NAALADL2: variants seen among roughly 807,000 people sequenced by gnomAD.
NAALADL2 encodes the protein N-acetylated alpha-linked acidic dipeptidase like 2, also known as inactive N-acetylated-alpha-linked acidic dipeptidase-like protein 2.
NAALADL2 carries 76 observed loss-of-function variants against 87.2 expected under a neutral mutation model. The ratio of observed to expected loss-of-function variants is 0.87; its 90% CI spans 0.72 to 1.05. The LOEUF (loss-of-function observed/expected upper bound fraction) is 1.05, where lower values mean the gene tolerates loss of function less well. NAALADL2 is among the 50% of genes least tolerant of loss of function. The pLI is 0.00. For missense variants in NAALADL2, 1,089 were observed against 945.8 expected, an observed-to-expected ratio of 1.15 and a Z score of -1.99; for synonymous variants, 354 against 331.0, an observed-to-expected ratio of 1.07 and a Z score of -0.75.
chr3:175,698,411 G>A (rs1330570666), intron 11 of NAALADL2, among the ~76,000 whole-genome samples: 1 of 53,960 alleles, frequency 1.9e-5, no homozygotes, highest in Non-Finnish European at 3.2e-5. Context: ...GTGTATTTAT[G>A]TATGTATACA....
At chr3:175,703,394 C>T (rs1301459465) in intron 11 of NAALADL2, among the ~76,000 whole-genome samples, 1 of 152,136 alleles carries the variant, frequency 6.6e-6, no homozygotes, top group Non-Finnish European at 1.5e-5. Flanking sequence ...TGGACAGTCC[C>T]CAATACATGT....
intron 2 of NAALADL2, among the ~76,000 whole-genome samples, chr3:175,229,850 A>T (rs1180495022): frequency 6.6e-6 from 1 of 152,028 alleles, no homozygotes; most frequent in Non-Finnish European, 1.5e-5. Context: ...AGCTCATTCC[A>T]ATATTCATAT....
At chr3:174,851,541 T>C (rs1446863679) in intron 3 of NAALADL2, among the ~76,000 whole-genome samples, 1 of 151,918 alleles carries the variant, frequency 6.6e-6, no homozygotes, top group Non-Finnish European at 1.5e-5. Flanking sequence ...TTCCTAGACA[T>C]GTCCAACCTA....
intron 2 of NAALADL2, among the ~76,000 whole-genome samples, chr3:174,585,662 G>A (rs368951369): frequency 7.0e-6 from 1 of 142,144 alleles, no homozygotes; most frequent in South Asian, 2.3e-4. Context: ...AGTTTTTTTT[G>A]TTTTTTTTTT....
At chr3:175,310,687 GA>G (rs1180445725) in intron 4 of NAALADL2, among the ~76,000 whole-genome samples, 9 of 150,520 alleles carry the variant, frequency 6.0e-5, no homozygotes, top group East Asian at 1.9e-4. Flanking sequence ...CTTACTCAAT[GA>G]AAAAAAAATC....
Position 175,393,949 on chromosome 3 carries a change from T to G in NAALADL2, c.1091-53280T>G, listed in dbSNP as rs570991793. Among the ~76,000 whole-genome samples, 268 of 152,310 alleles carry G rather than the reference T, an allele frequency of 1.8e-3. 1 individual carries two copies. The highest frequency in any genetic ancestry group is 6.2e-3 in the African/African-American group (257 of 41,568). On this transcript the variant is annotated intron_variant, in intron 5 of 13. Coordinates refer to ENST00000454872, the MANE Select transcript of NAALADL2 (RefSeq NM_207015.3). ...ATCTTTCATGATCTTGACACCTTTT[T>G]AAGTACACAAGCTATTTTTTTCTGT...
chr3:174,657,978 C>A (rs977149579), intron 2 of NAALADL2, among the ~76,000 whole-genome samples: 2 of 152,162 alleles, frequency 1.3e-5, no homozygotes, highest in African/African-American at 4.8e-5. Flanking sequence ...CCATCTAATT[C>A]ATGAATAATA....
At chr3:174,641,132 G>A (rs151302399) in intron 2 of NAALADL2, among the ~76,000 whole-genome samples, 2 of 152,246 alleles carry the variant, frequency 1.3e-5, no homozygotes, top group South Asian at 2.1e-4. Context: ...TTAAGAGGCC[G>A]GAAGCTGCAG....
intron 3 of NAALADL2, among the ~76,000 whole-genome samples, chr3:174,765,145 A>ACAC (rs374203584): frequency 6.8e-4 from 97 of 142,346 alleles, no homozygotes; most frequent in Non-Finnish European, 1.0e-3. Flanking sequence ...CACACACACG[A>ACAC]GAGAGAGAGA....
At chr3:174,948,162 CTTAT>C (rs140866333) in intron 1 of NAALADL2, among the ~76,000 whole-genome samples, 35,880 of 150,072 alleles carry the variant, frequency 0.24, 4,794 homozygotes, top group East Asian at 0.47. Context: ...CCATATAGAA[CTTAT>C]TTATTTATTT....
chr3:175,688,484 G>T (rs1375085229), intron 11 of NAALADL2, among the ~76,000 whole-genome samples: 1 of 152,142 alleles, frequency 6.6e-6, no homozygotes. Flanking sequence ...GATTTAGCCT[G>T]TAATCATTTA....
At chr3:174,897,692 G>A (rs1731720834) in intron 1 of NAALADL2, among the ~76,000 whole-genome samples, 1 of 152,092 alleles carries the variant, frequency 6.6e-6, no homozygotes, top group Admixed American at 6.5e-5. Flanking sequence ...AAGGAAATCA[G>A]TGTATGAAAG....
intron 12 of NAALADL2, among the ~76,000 whole-genome samples, chr3:175,749,197 GA>G (rs1559969577): frequency 9.1e-6 from 1 of 109,590 alleles, no homozygotes; most frequent in African/African-American, 3.5e-5. Flanking sequence ...GAGGGGAAGG[GA>G]GGGGAGGGGA....
At chr3:174,931,487 T>G (rs1736882370) in intron 1 of NAALADL2, among the ~76,000 whole-genome samples, 1 of 152,208 alleles carries the variant, frequency 6.6e-6, no homozygotes, top group Admixed American at 6.5e-5. Flanking sequence ...CAAATAGTTA[T>G]TAGTACTATG....
intron 1 of NAALADL2, among the ~76,000 whole-genome samples, chr3:175,064,760 G>A (rs761395249): frequency 1.3e-5 from 2 of 152,140 alleles, no homozygotes; most frequent in African/African-American, 4.8e-5. Context: ...AAAGCAGCCT[G>A]AAGAAGGGTG....
At chr3:174,902,474 T>A (rs895807274) in intron 1 of NAALADL2, among the ~76,000 whole-genome samples, 1 of 152,068 alleles carries the variant, frequency 6.6e-6, no homozygotes, top group Non-Finnish European at 1.5e-5. Flanking sequence ...AAGTTGCAAC[T>A]AATCATTTGA....
intron 1 of NAALADL2, among the ~76,000 whole-genome samples, chr3:174,921,386 A>G (rs1735165393): frequency 6.6e-6 from 1 of 152,210 alleles, no homozygotes; most frequent in Non-Finnish European, 1.5e-5. Context: ...CCTTTATATG[A>G]TTATGTAATC....
chr3:174,791,588 A>G (rs113132533), intron 3 of NAALADL2, among the ~76,000 whole-genome samples: 7 of 152,322 alleles, frequency 4.6e-5, no homozygotes, highest in Admixed American at 1.3e-4. Flanking sequence ...TCCAAATGGA[A>G]AAAGACAGTA....
chr3:175,109,488 T>A (rs540671587), intron 2 of NAALADL2, among the ~76,000 whole-genome samples: 130 of 151,770 alleles, frequency 8.6e-4, no homozygotes, highest in Middle Eastern at 3.4e-3. Flanking sequence ...AACATACTTG[T>A]TTATATAAAC....
Sources: allele counts gnomAD v4.1 joint callset (sites outside exome capture counted in the v4.1 genomes callset), GRCh38; gene constraint gnomAD v4.1.1; transcripts MANE v1.5; gene names NCBI Gene and HGNC (gene_info 2026-07-23, HGNC 2026-07-21).